NSUN3: variants seen among roughly 807,000 people sequenced by gnomAD.
NSUN3 encodes the protein NOP2/Sun RNA methyltransferase 3.
A neutral mutation model predicts 36.8 loss-of-function variants in NSUN3; 24 were observed. That is an observed-to-expected ratio of 0.65 (90% CI 0.47 to 0.92). NSUN3 has a LOEUF of 0.92. Ranked by LOEUF, NSUN3 falls within the 40% of genes least tolerant of loss-of-function variation. The pLI, the probability that NSUN3 is intolerant of heterozygous loss-of-function variation, is 0.00. For missense variants in NSUN3, 381 were observed against 392.8 expected (o/e 0.97, Z 0.25); for synonymous variants, 146 against 145.2 (o/e 1.01, Z -0.04).
At chr3:94,067,175 T>C (rs1011401903) in intron 2 of NSUN3, among the ~76,000 whole-genome samples, 1 of 152,146 alleles carries the variant, frequency 6.6e-6, no homozygotes, top group African/African-American at 2.4e-5. Context: ...ATACCAAGGC[T>C]TTGGTGAGTG....
chr3:94,119,985 G>A (rs987393244), intron 5 of NSUN3, among the ~76,000 whole-genome samples: 4 of 152,234 alleles, frequency 2.6e-5, no homozygotes, highest in Admixed American at 6.5e-5. Flanking sequence ...GAAATGAAAG[G>A]TAAGCAGAAG....
intron 5 of NSUN3, among the ~76,000 whole-genome samples, chr3:94,102,506 C>G (rs887419710): frequency 6.6e-6 from 1 of 152,176 alleles, no homozygotes; most frequent in Non-Finnish European, 1.5e-5. Flanking sequence ...CAAAAGCAAA[C>G]TACTATTAAC....
At chr3:94,076,261 G>C in intron 2 of NSUN3, 1 of 907,418 alleles carries the variant, frequency 1.1e-6, no homozygotes, top group Non-Finnish European at 1.9e-6. Flanking sequence ...TGCAACATAA[G>C]TTTCAGATTT....
intron 2 of NSUN3, among the ~76,000 whole-genome samples, chr3:94,073,530 G>C (rs1477112406): frequency 6.6e-6 from 1 of 152,184 alleles, no homozygotes; most frequent in Admixed American, 6.5e-5. Flanking sequence ...TTGTGGTTTT[G>C]ATTTGTATTT....
At chr3:94,073,763 G>A (rs2077235407) in intron 2 of NSUN3, among the ~76,000 whole-genome samples, 1 of 152,204 alleles carries the variant, frequency 6.6e-6, no homozygotes, top group South Asian at 2.1e-4. Flanking sequence ...TGTTCACTCT[G>A]ATGGTAGTTT....
Position 94,127,747 on chromosome 3 carries a change from T to G in NSUN3, c.*1257T>G, listed in dbSNP as rs1426399756. 1.3e-5 allele frequency: 2 copies of G among 152,240 alleles called. No individual in the cohort carries two copies. Among genetic ancestry groups the G allele is most frequent in the African/African-American group, 4.8e-5 (2 of 41,464 alleles). The allele number at this position is 152,240 out of a possible 1,614,324, so 9.4% of individuals were successfully genotyped here. On this transcript the variant is annotated 3_prime_UTR_variant, in exon 6 of 6. Coordinates refer to ENST00000314622, the MANE Select transcript of NSUN3 (RefSeq NM_022072.5). ...AAATTCTGCTAAAGCTGAATACTTT[T>G]GAATTGTTCATTATGTTCTGTGCCT... is the stretch of plus-strand genomic sequence containing the variant.
chr3:94,099,683 G>A lies in NSUN3; in HGVS notation c.743+4529G>A, dbSNP rs937492037. On this transcript the variant is annotated intron_variant, in intron 5 of 5. Transcript: ENST00000314622. ...AGAGATTAAGATATCCAAGCTATAG[G>A]CAGAGAAAATGATCGGAGTCCTGAC... 5.3e-5 allele frequency among the ~76,000 whole-genome samples: 8 copies of A among 151,768 alleles called. 1 individual carries two copies. Among genetic ancestry groups the A allele is most frequent in the Admixed American group, 3.9e-4 (6 of 15,212 alleles).
At chr3:94,071,200 G>A (rs1243474184) in intron 2 of NSUN3, among the ~76,000 whole-genome samples, 1 of 152,044 alleles carries the variant, frequency 6.6e-6, no homozygotes, top group Non-Finnish European at 1.5e-5. Context: ...GATCGGTTTT[G>A]TACTAATAAT....
chr3:94,097,956 C>G (rs914685847), intron 5 of NSUN3, among the ~76,000 whole-genome samples: 2 of 152,146 alleles, frequency 1.3e-5, no homozygotes, highest in Admixed American at 6.6e-5. Context: ...TCCTTAGCCT[C>G]AGACCTACAT....
At chr3:94,073,329 T>G (rs200581088) in intron 2 of NSUN3, among the ~76,000 whole-genome samples, 2 of 152,194 alleles carry the variant, frequency 1.3e-5, no homozygotes, top group Admixed American at 6.5e-5. Context: ...GTAATGGGAT[T>G]GCTGGGTCAA....
intron 5 of NSUN3, among the ~76,000 whole-genome samples, chr3:94,096,612 C>T (rs2077341389): frequency 6.7e-6 from 1 of 149,618 alleles, no homozygotes; most frequent in African/African-American, 2.4e-5. Flanking sequence ...GATTCTCATG[C>T]CTCAGCCCCC....
chr3:94,078,137 G>A (rs1321133099), intron 2 of NSUN3, among the ~76,000 whole-genome samples: 1 of 152,072 alleles, frequency 6.6e-6, no homozygotes, highest in African/African-American at 2.4e-5. Context: ...CTGGTATGTT[G>A]TGTCTTTGTT....
rs1008859321 is a variant in NSUN3, at chr3:94,131,503, A to G, written c.*5013A>G. Reference sequence around the variant, plus strand: ...ATGAAAGGATTAATCAATACTTGGGAAAAAAACAACAACCTTTGAACTGTT... The same window carrying G: ...ATGAAAGGATTAATCAATACTTGGGGAAAAAACAACAACCTTTGAACTGTT... On this transcript the variant is annotated 3_prime_UTR_variant, in exon 6 of 6. Transcript: ENST00000314622. Among the ~76,000 whole-genome samples the G allele has an allele frequency of 6.6e-6, 1 of 152,144 alleles. No homozygotes were observed. The highest frequency in any genetic ancestry group is 1.5e-5 in the Non-Finnish European group (1 of 68,022).
chr3:94,072,480 T>C (rs2077227977), intron 2 of NSUN3, among the ~76,000 whole-genome samples: 1 of 152,180 alleles, frequency 6.6e-6, no homozygotes, highest in South Asian at 2.1e-4. Context: ...CATTTATTAA[T>C]AATGATATCA....
intron 3 of NSUN3, among the ~76,000 whole-genome samples, chr3:94,087,207 G>A (rs2077295643): frequency 6.6e-6 from 1 of 152,168 alleles, no homozygotes; most frequent in Admixed American, 6.5e-5. Flanking sequence ...TCATGCTGAT[G>A]CTTAAAGCCC....
At chr3:94,124,632 A>T (rs1268820467) in intron 5 of NSUN3, among the ~76,000 whole-genome samples, 1 of 152,142 alleles carries the variant, frequency 6.6e-6, no homozygotes, top group Non-Finnish European at 1.5e-5. Context: ...GCCCACTTTA[A>T]TGAACTACTT....
rs563901188 is a variant in NSUN3 at position 94,127,699 on chromosome 3, C to T, written c.*1209C>T. The T allele has an allele frequency of 6.6e-6, 1 of 151,988 alleles. No individual in the cohort carries two copies. The highest frequency in any genetic ancestry group is 6.6e-5 in the Admixed American group (1 of 15,254). The allele number at this position is 151,988 out of a possible 1,614,324, so 9.4% of individuals were successfully genotyped here. A position where few individuals can be genotyped will look rare whatever the true frequency, so the allele number is the denominator to read the frequency against. On this transcript the variant is annotated 3_prime_UTR_variant, in exon 6 of 6. Transcript: ENST00000314622. ...GAAAATAGCCTTTAAAAAAAAACAA[C>T]TTTATCTGATTATAGAAATACAAAA...
chr3:94,097,935 T>G (rs2077350031), intron 5 of NSUN3, among the ~76,000 whole-genome samples: 1 of 152,150 alleles, frequency 6.6e-6, no homozygotes, highest in Non-Finnish European at 1.5e-5. Flanking sequence ...GAATCTAAGC[T>G]TAGATCTTTC....
chr3:94,071,391 A>G (rs1019731621), intron 2 of NSUN3, among the ~76,000 whole-genome samples: 2 of 152,220 alleles, frequency 1.3e-5, no homozygotes, highest in Non-Finnish European at 2.9e-5. Context: ...TAGAATGTAA[A>G]TAAAAGAGGA....
Sources: gnomAD v4.1 joint callset for allele counts (sites outside exome capture counted in the v4.1 genomes callset) on GRCh38, gnomAD v4.1.1 for gene constraint, MANE v1.5 for transcripts, NCBI Gene and HGNC (gene_info 2026-07-23, HGNC 2026-07-21) for gene names.